The following RGS7 variants were observed in gnomAD, a reference collection of about 807,000 sequenced individuals.
RGS7 encodes the protein regulator of G-protein signaling 7.
A neutral mutation model predicts 81.1 loss-of-function variants in RGS7; 27 were observed. That is an observed-to-expected ratio of 0.33 (90% CI 0.25 to 0.46). RGS7 has a LOEUF of 0.46. Ranked by LOEUF, RGS7 falls within the 20% of genes least tolerant of loss-of-function variation. RGS7 has a pLI of 1.00. For synonymous variants in RGS7, 208 were observed against 207.7 expected, an observed-to-expected ratio of 1.00 and a Z score of -0.01; for missense variants, 396 against 607.4, an observed-to-expected ratio of 0.65 and a Z score of 3.66.
chr1:241,225,007 A>T (rs991314281), intron 2 of RGS7, among the ~76,000 whole-genome samples: 12 of 152,156 alleles, frequency 7.9e-5, no homozygotes, highest in African/African-American at 2.9e-4. Flanking sequence ...TTTTAAAAAA[A>T]TTTTATATAA....
chr1:240,998,806 G>A, intron 3 of RGS7: 2 of 638,688 alleles, frequency 3.1e-6, no homozygotes, highest in Admixed American at 1.9e-5. Flanking sequence ...GCACGGGTGA[G>A]TGTGGGGCTG....
At chr1:241,239,258 C>T (rs181583512) in intron 2 of RGS7, among the ~76,000 whole-genome samples, 8 of 152,180 alleles carry the variant, frequency 5.3e-5, no homozygotes, top group South Asian at 2.1e-4. Flanking sequence ...TGAGCCACCG[C>T]GCCCGGCCAT....
chr1:240,951,617 A>G (rs186263154), intron 4 of RGS7, among the ~76,000 whole-genome samples: 1 of 152,308 alleles, frequency 6.6e-6, no homozygotes, highest in Admixed American at 6.5e-5. Flanking sequence ...ATAACAAGGA[A>G]AACAAAAAGA....
chr1:241,023,024 G>T (rs2059614837), intron 3 of RGS7, among the ~76,000 whole-genome samples: 1 of 67,246 alleles, frequency 1.5e-5, no homozygotes, highest in African/African-American at 6.0e-5. Context: ...ACAACTATGA[G>T]ATATAGTTGT....
At chr1:241,093,273 T>A (rs2064011670) in intron 3 of RGS7, among the ~76,000 whole-genome samples, 1 of 152,194 alleles carries the variant, frequency 6.6e-6, no homozygotes, top group Non-Finnish European at 1.5e-5. Context: ...AAGTTCTTTG[T>A]TGAAGATGAG....
intron 2 of RGS7, among the ~76,000 whole-genome samples, chr1:241,184,642 A>G (rs1355387953): frequency 6.6e-6 from 1 of 152,234 alleles, no homozygotes; most frequent in Non-Finnish European, 1.5e-5. Context: ...AAAATATTGT[A>G]TAAAATTATT....
At chr1:241,184,791 T>C (rs2071948258) in intron 2 of RGS7, among the ~76,000 whole-genome samples, 1 of 152,106 alleles carries the variant, frequency 6.6e-6, no homozygotes, top group Admixed American at 6.5e-5. Context: ...CAAAACACTT[T>C]TGGTCTGAAG....
intron 2 of RGS7, among the ~76,000 whole-genome samples, chr1:241,309,243 G>A (rs538322311): frequency 2.0e-5 from 3 of 151,814 alleles, no homozygotes; most frequent in Middle Eastern, 3.4e-3. Context: ...AAAATTAGCC[G>A]GGCGTGGTGG....
At chr1:240,811,042 A>G (rs1258978910) in intron 14 of RGS7, among the ~76,000 whole-genome samples, 1 of 152,210 alleles carries the variant, frequency 6.6e-6, no homozygotes, top group Non-Finnish European at 1.5e-5. Context: ...CCTACCTGTT[A>G]AATCTCCTGA....
chr1:240,817,491 C>T (rs1314124765), intron 10 of RGS7, among the ~76,000 whole-genome samples: 5 of 152,202 alleles, frequency 3.3e-5, no homozygotes. Flanking sequence ...GAACTGCTTT[C>T]ACTTGGACCT....
intron 2 of RGS7, among the ~76,000 whole-genome samples, chr1:241,296,200 G>T (rs2079412807): frequency 6.6e-6 from 1 of 151,898 alleles, no homozygotes; most frequent in East Asian, 1.9e-4. Context: ...AGGGGAAGAA[G>T]GGATGCACAT....
At chr1:241,023,039 A>G (rs957567418) in intron 3 of RGS7, among the ~76,000 whole-genome samples, 13 of 67,332 alleles carry the variant, frequency 1.9e-4, no homozygotes, top group Admixed American at 1.4e-3. Context: ...AGTTGTTATA[A>G]TGATTAAATA....
intron 2 of RGS7, among the ~76,000 whole-genome samples, chr1:241,301,730 T>C (rs902159009): frequency 2.0e-5 from 3 of 152,240 alleles, no homozygotes; most frequent in African/African-American, 2.4e-5. Context: ...AATTTTAAGA[T>C]ACTTACAATA....
chr1:240,894,269 GC>G (rs1220360393), intron 6 of RGS7, among the ~76,000 whole-genome samples: 1 of 151,918 alleles, frequency 6.6e-6, no homozygotes, highest in Non-Finnish European at 1.5e-5. Flanking sequence ...GCATCTATTG[GC>G]AGACTTTACA....
chr1:240,860,245 T>C (rs1661959878), intron 9 of RGS7, among the ~76,000 whole-genome samples: 1 of 152,188 alleles, frequency 6.6e-6, no homozygotes, highest in South Asian at 2.1e-4. Flanking sequence ...TAAACCTTGT[T>C]CTTAGTTCCT....
chr1:241,113,680 A>G (rs10159247), intron 2 of RGS7, among the ~76,000 whole-genome samples: 2,562 of 152,286 alleles, frequency 0.017, 89 homozygotes, highest in African/African-American at 0.059. Flanking sequence ...CCGTCATTTG[A>G]TGAATGATGT....
chr1:241,200,642 A>G (rs776598133), intron 2 of RGS7, among the ~76,000 whole-genome samples: 3 of 152,216 alleles, frequency 2.0e-5, no homozygotes, highest in Non-Finnish European at 2.9e-5. Context: ...GTGGAGTTCC[A>G]GGACCATAAC....
chr1:241,158,111 G>A (rs555818002), intron 2 of RGS7, among the ~76,000 whole-genome samples: 2 of 151,960 alleles, frequency 1.3e-5, no homozygotes, highest in South Asian at 2.1e-4. Context: ...GAGCCACCAC[G>A]CCTGTCCCCA....
chr1:240,788,875 C>T (rs970938201), intron 18 of RGS7, among the ~76,000 whole-genome samples: 4 of 152,104 alleles, frequency 2.6e-5, no homozygotes, highest in Non-Finnish European at 5.9e-5. Flanking sequence ...TGGTGGTTCA[C>T]GCCTGTAATC....
Sources: allele counts gnomAD v4.1 joint callset (sites outside exome capture counted in the v4.1 genomes callset), GRCh38; gene constraint gnomAD v4.1.1; transcripts MANE v1.5; gene names NCBI Gene and HGNC (gene_info 2026-07-23, HGNC 2026-07-21).